Variants in TNFSF18 observed in about 807,000 individuals in gnomAD.
The protein encoded by TNFSF18 is TNF superfamily member 18.
A neutral mutation model predicts 9.6 loss-of-function variants in TNFSF18; 6 were observed. That is an observed-to-expected ratio of 0.63 (90% CI 0.34 to 1.24). The LOEUF is 1.24. Among genes scored for constraint, TNFSF18 ranks in the 50% most tolerant of loss-of-function variants. TNFSF18 has a pLI of 0.03. For missense variants in TNFSF18, 210 were observed against 201.0 expected, an observed-to-expected ratio of 1.04 and a Z score of -0.27; for synonymous variants, 68 against 71.7, an observed-to-expected ratio of 0.95 and a Z score of 0.26.
chr1:173,049,222 G>C (rs1322602080), intron 1 of TNFSF18, among the ~76,000 whole-genome samples: 2 of 152,156 alleles, frequency 1.3e-5, no homozygotes. Flanking sequence ...GTGCCTTTGG[G>C]AAAGGCTTCT....
At chr1:173,042,407 T>C (rs781655860) in intron 2 of TNFSF18, among the ~76,000 whole-genome samples, 4 of 152,158 alleles carry the variant, frequency 2.6e-5, no homozygotes, top group Non-Finnish European at 5.9e-5. Context: ...GATTGAATGA[T>C]ACTTCCATGT....
At chr1:173,047,874 T>C (rs1475396315) in intron 1 of TNFSF18, among the ~76,000 whole-genome samples, 2 of 152,148 alleles carry the variant, frequency 1.3e-5, no homozygotes, top group African/African-American at 2.4e-5. Context: ...CTCTGAGATA[T>C]AGTGTTTGAT....
rs746036457 is a variant in TNFSF18 at position 173,050,899 on chromosome 1, T to G, written c.-3A>C. 21 of 1,613,772 alleles carry G rather than the reference T, an allele frequency of 1.3e-5. No homozygotes were observed. Among genetic ancestry groups the G allele is most frequent in the Non-Finnish European group, 1.5e-5 (18 of 1,179,808 alleles). Reference sequence around the variant, plus strand: ...TTTTCCAAGTGGCTCAAACACATTTTTGGAGAAATGAGAGCTGTGGAAAAC... The same window carrying G: ...TTTTCCAAGTGGCTCAAACACATTTGTGGAGAAATGAGAGCTGTGGAAAAC... On this transcript the variant is annotated 5_prime_UTR_variant, in exon 1 of 3. Transcript: ENST00000404377.
At chr1:173,041,756 A>G in intron 2 of TNFSF18, 43 bp from the exon 3 acceptor site, 2 of 1,461,038 alleles carry the variant, frequency 1.4e-6, no homozygotes, top group Non-Finnish European at 1.8e-6. Context: ...AAGCATAGTT[A>G]TTTCATTATT....
chr1:173,043,664 C>T (rs6425201), intron 2 of TNFSF18, among the ~76,000 whole-genome samples: 9,694 of 152,132 alleles, frequency 0.064, 387 homozygotes, highest in African/African-American at 0.12. Flanking sequence ...AAGGAGATTC[C>T]CGGATCTCAG....
Position 173,041,282 on chromosome 1 carries a change from C to G in TNFSF18, c.*85G>C. ...GTTGATTTTTGTAGACAGACAAACT[C>G]TAGAAATTGAATATCTTCTCCCTCC... On this transcript the variant is annotated 3_prime_UTR_variant, in exon 3 of 3. Coordinates refer to ENST00000404377, the MANE Select transcript of TNFSF18 (RefSeq NM_005092.4). 1 of 1,136,032 alleles carries G rather than the reference C, an allele frequency of 8.8e-7. No individual in the cohort carries two copies. The highest frequency in any genetic ancestry group is 1.3e-6 in the Non-Finnish European group (1 of 798,402). The allele number at this position is 1,136,032 out of a possible 1,614,324, so 70.4% of individuals were successfully genotyped here. A position where few individuals can be genotyped will look rare whatever the true frequency, so the allele number is the denominator to read the frequency against.
chr1:173,042,714 C>T (rs956884294), intron 2 of TNFSF18, among the ~76,000 whole-genome samples: 1 of 152,062 alleles, frequency 6.6e-6, no homozygotes, highest in Non-Finnish European at 1.5e-5. Flanking sequence ...GATCTCACAG[C>T]CCCGGGAGGT....
At chr1:173,045,618 A>C (rs572576617) in intron 1 of TNFSF18, among the ~76,000 whole-genome samples, 1 of 150,280 alleles carries the variant, frequency 6.7e-6, no homozygotes, top group South Asian at 2.2e-4. Context: ...TGAGGATGAG[A>C]GATCAAAGAG....
In TNFSF18 at chr1:173,039,276, T is replaced by G. The variant is rs1268296761; in HGVS notation, c.*2091A>C. Among the ~76,000 whole-genome samples, 3 of 152,170 alleles carry G rather than the reference T, an allele frequency of 2.0e-5. No individual in the cohort carries two copies. The highest frequency in any genetic ancestry group is 4.4e-5 in the Non-Finnish European group (3 of 68,030). ...GGAGAAACAGGAAAACAGTATACAT[T>G]GAAAACAAAAGCTAAAATTATAACA... On this transcript the variant is annotated 3_prime_UTR_variant, in exon 3 of 3. Coordinates refer to ENST00000404377, the MANE Select transcript of TNFSF18 (RefSeq NM_005092.4).
chr1:173,046,867 A>T (rs1162468437), intron 1 of TNFSF18, among the ~76,000 whole-genome samples: 1 of 141,348 alleles, frequency 7.1e-6, no homozygotes, highest in Admixed American at 7.4e-5. Context: ...TTGATTCCCT[A>T]CACTTGTTTT....
At chr1:173,050,308 C>T (rs1203849791) in intron 1 of TNFSF18, among the ~76,000 whole-genome samples, 4 of 152,152 alleles carry the variant, frequency 2.6e-5, no homozygotes, top group Admixed American at 2.6e-4. Context: ...CTCAAAGACA[C>T]ACAAACCACC....
At chr1:173,041,895 T>C (rs1466354919) in intron 2 of TNFSF18, among the ~76,000 whole-genome samples, 182 bp from the exon 3 acceptor site, 1 of 152,156 alleles carries the variant, frequency 6.6e-6, no homozygotes, top group African/African-American at 2.4e-5. Context: ...TTTAGAGAAA[T>C]TGCAAATCCA....
chr1:173,039,239 A>G lies in TNFSF18; in HGVS notation c.*2128T>C, dbSNP rs1024996866. ...ATGTTTTATTATAGATTTAAAATGC[A>G]GACTACTATGTGGAGAAACAGGAAA... On this transcript the variant is annotated 3_prime_UTR_variant, in exon 3 of 3. Transcript: ENST00000404377. Among the ~76,000 whole-genome samples, 14 of 152,224 alleles carry G rather than the reference A, an allele frequency of 9.2e-5. No individual in the cohort carries two copies. The highest frequency in any genetic ancestry group is 3.4e-4 in the African/African-American group (14 of 41,456).
chr1:173,043,018 A>G (rs1375696618), intron 2 of TNFSF18, among the ~76,000 whole-genome samples: 1 of 152,180 alleles, frequency 6.6e-6, no homozygotes, highest in East Asian at 1.9e-4. Flanking sequence ...GTCACCAGGA[A>G]GAAGTGTCAT....
Position 173,040,515 on chromosome 1 carries a change from T to C in TNFSF18, c.*852A>G, listed in dbSNP as rs1337466515. On this transcript the variant is annotated 3_prime_UTR_variant, in exon 3 of 3. Coordinates refer to ENST00000404377, the MANE Select transcript of TNFSF18 (RefSeq NM_005092.4). ...TGCCTGCCCAATTAACTTCATAGAA[T>C]TGCTAACTGTTTTACGAAAGCACTT... 4 of 152,144 alleles carry C rather than the reference T, an allele frequency of 2.6e-5. No individual in the cohort carries two copies. The highest frequency in any genetic ancestry group is 5.9e-5 in the Non-Finnish European group (4 of 68,020). The allele number at this position is 152,144 out of a possible 1,614,324, so 9.4% of individuals were successfully genotyped here.
chr1:173,040,530 C>T lies in TNFSF18; in HGVS notation c.*837G>A, dbSNP rs555963835. The T allele has an allele frequency of 1.3e-5, 2 of 152,140 alleles. No individual in the cohort carries two copies. Among genetic ancestry groups the T allele is most frequent in the South Asian group, 2.1e-4 (1 of 4,818 alleles). 9.4% of individuals were successfully genotyped at this position (152,140 alleles called of 1,614,324 possible). A position where few individuals can be genotyped will look rare whatever the true frequency, so the allele number is the denominator to read the frequency against. ...CTTCATAGAATTGCTAACTGTTTTACGAAAGCACTTTGCAAACTGTGGAAA... is the reference window on the plus strand; with the variant it reads ...CTTCATAGAATTGCTAACTGTTTTATGAAAGCACTTTGCAAACTGTGGAAA... On this transcript the variant is annotated 3_prime_UTR_variant, in exon 3 of 3. Coordinates refer to ENST00000404377, the MANE Select transcript of TNFSF18 (RefSeq NM_005092.4).
In TNFSF18 at chr1:173,041,569, G is replaced by T; in HGVS notation, c.332C>A (p.Ala111Asp). Reference sequence around the variant, plus strand: ...TTTATACAGCCGCACCTCAAAAGGAGCTACATCATTGTAGTTTGCATTGGG... The same window carrying T: ...TTTATACAGCCGCACCTCAAAAGGATCTACATCATTGTAGTTTGCATTGGG... ...VAPNANYNDV[A>D]PFEVRLYKNK... The change falls in exon 3 of 3, where the codon GCT (alanine) becomes GAT (aspartate). Residue 111 changes from alanine (A) to aspartate (D), a missense_variant. Physicochemically the swap from Ala to Asp is moderately radical, Grantham distance 126 (BLOSUM62 -2). Coordinates refer to ENST00000404377, the MANE Select transcript of TNFSF18 (RefSeq NM_005092.4). 1.2e-6 allele frequency: 2 copies of T among 1,613,574 alleles called. No individual in the cohort carries two copies. The highest frequency in any genetic ancestry group is 1.7e-6 in the Non-Finnish European group (2 of 1,179,654).
intron 1 of TNFSF18, among the ~76,000 whole-genome samples, chr1:173,044,802 AG>A (rs1036556989): frequency 3.1e-4 from 47 of 152,296 alleles, no homozygotes; most frequent in African/African-American, 1.1e-3. Context: ...TAGTGAGACT[AG>A]CTAAGAGATC....
intron 1 of TNFSF18, among the ~76,000 whole-genome samples, chr1:173,045,692 G>A (rs955158671): frequency 2.0e-5 from 3 of 152,110 alleles, no homozygotes; most frequent in Admixed American, 2.0e-4. Flanking sequence ...ATGACAACAC[G>A]TTTTTCTATT....
Sources: gnomAD v4.1 joint callset for allele counts (sites outside exome capture counted in the v4.1 genomes callset) on GRCh38, gnomAD v4.1.1 for gene constraint, MANE v1.5 for transcripts, NCBI Gene and HGNC (gene_info 2026-07-23, HGNC 2026-07-21) for gene names.